PDE4D: variants seen among roughly 807,000 people sequenced by gnomAD.
PDE4D encodes 3',5'-cyclic-AMP phosphodiesterase 4D.
A neutral mutation model predicts 87.4 loss-of-function variants in PDE4D; 24 were observed. That is an observed-to-expected ratio of 0.27 (90% CI 0.20 to 0.39). PDE4D has a LOEUF of 0.39. PDE4D is among the 10% of genes least tolerant of loss of function. The probability of loss-of-function intolerance (pLI) is 1.00; values close to 1 mark genes in which losing one functional copy is unlikely to be tolerated. For synonymous variants in PDE4D, 384 were observed against 383.2 expected (o/e 1.00, Z -0.02); for missense variants, 714 against 1,041.0 (o/e 0.69, Z 4.32).
At chr5:59,886,362 G>A (rs1311717493) in intron 1 of PDE4D, among the ~76,000 whole-genome samples, 4 of 151,674 alleles carry the variant, frequency 2.6e-5, no homozygotes, top group East Asian at 1.9e-4. Flanking sequence ...CTAAAAATAC[G>A]AAAAATTAGC....
intron 1 of PDE4D, among the ~76,000 whole-genome samples, chr5:59,414,089 C>A (rs1006584290): frequency 3.3e-5 from 5 of 152,212 alleles, no homozygotes; most frequent in Admixed American, 3.3e-4. Flanking sequence ...ATTTTAGAAG[C>A]TACATGATTA....
chr5:59,404,290 G>T (rs902591126), intron 1 of PDE4D, among the ~76,000 whole-genome samples: 19 of 152,082 alleles, frequency 1.2e-4, no homozygotes, highest in Admixed American at 6.6e-4. Context: ...TGCTACGCAG[G>T]TATTTTTAAC....
At chr5:60,177,615 T>C (rs1784033371) in intron 2 of PDE4D, among the ~76,000 whole-genome samples, 1 of 152,156 alleles carries the variant, frequency 6.6e-6, no homozygotes, top group Non-Finnish European at 1.5e-5. Context: ...GGATAGTCAT[T>C]TGTTAGGTTA....
chr5:59,959,217 A>T (rs1759199795), intron 3 of PDE4D, among the ~76,000 whole-genome samples: 1 of 152,158 alleles, frequency 6.6e-6, no homozygotes, highest in South Asian at 2.1e-4. Flanking sequence ...ATGATAGACA[A>T]CATAAACAAA....
chr5:59,593,732 C>T (rs181594956), intron 1 of PDE4D, among the ~76,000 whole-genome samples: 1 of 152,252 alleles, frequency 6.6e-6, no homozygotes, highest in African/African-American at 2.4e-5. Context: ...GGTAGAAAAA[C>T]CTCAACTATA....
chr5:59,007,537 T>C (rs1751881800), intron 6 of PDE4D, among the ~76,000 whole-genome samples: 2 of 152,200 alleles, frequency 1.3e-5, no homozygotes, highest in African/African-American at 4.8e-5. Context: ...ATATTTTACA[T>C]AACAGAATGT....
chr5:59,878,695 A>C (rs927675311), intron 1 of PDE4D, among the ~76,000 whole-genome samples: 1 of 152,134 alleles, frequency 6.6e-6, no homozygotes, highest in Non-Finnish European at 1.5e-5. Context: ...GTCAGTCGAC[A>C]GGATCTATCA....
In PDE4D at chr5:60,064,950, A is replaced by G. The variant is rs768353528; in HGVS notation, c.43-76233T>C. Among the ~76,000 whole-genome samples the G allele has an allele frequency of 3.3e-5, 5 of 152,308 alleles. No individual in the cohort carries two copies. The South Asian group carries it at 8.3e-4, about 25-fold the overall frequency. ...CCTATTACTGCCTTGACTGCAAAAG[A>G]GTAGGAACTGCAAGTAATTCTTAAT... is the stretch of plus-strand genomic sequence containing the variant. On this transcript the variant is annotated intron_variant, in intron 2 of 16. Coordinates refer to the PDE4D transcript ENST00000502484.
chr5:59,465,279 ATTCTCTTGC>A (rs1032914937), intron 1 of PDE4D, among the ~76,000 whole-genome samples: 26 of 151,872 alleles, frequency 1.7e-4, no homozygotes, highest in African/African-American at 6.3e-4. Context: ...TATTTATTTC[ATTCTCTTGC>A]TTCTCCTACC....
intron 2 of PDE4D, among the ~76,000 whole-genome samples, chr5:60,106,075 G>A (rs1229059159): frequency 1.3e-5 from 2 of 151,988 alleles, no homozygotes; most frequent in Non-Finnish European, 2.9e-5. Context: ...ATTGGATAAA[G>A]GGTCAAGACC....
At chr5:60,379,880 G>T (rs1371680916) in intron 1 of PDE4D, among the ~76,000 whole-genome samples, 1 of 152,064 alleles carries the variant, frequency 6.6e-6, no homozygotes, top group African/African-American at 2.4e-5. Context: ...TTGAAACACT[G>T]GGACAATACT....
chr5:59,638,264 G>T (rs369913024), intron 1 of PDE4D, among the ~76,000 whole-genome samples: 30 of 152,166 alleles, frequency 2.0e-4, no homozygotes, highest in African/African-American at 7.0e-4. Flanking sequence ...CTCACTCCAT[G>T]AGATCGAATT....
intron 1 of PDE4D, chr5:59,586,870 G>A: frequency 1.0e-6 from 1 of 985,412 alleles, no homozygotes; most frequent in East Asian, 1.1e-4. Context: ...AATGAATATT[G>A]CTTTTTCTTC....
intron 1 of PDE4D, among the ~76,000 whole-genome samples, chr5:59,496,592 G>A (rs1807245072): frequency 6.6e-6 from 1 of 152,116 alleles, no homozygotes; most frequent in African/African-American, 2.4e-5. Context: ...CACTCCCCTA[G>A]AAATCTAGCC....
At chr5:60,324,819 A>G (rs1268708927) in intron 1 of PDE4D, among the ~76,000 whole-genome samples, 1 of 152,254 alleles carries the variant, frequency 6.6e-6, no homozygotes, top group Non-Finnish European at 1.5e-5. Flanking sequence ...TGAACCTCAT[A>G]TGGTTTCACC....
chr5:59,593,599 T>C (rs1420504509), intron 1 of PDE4D, among the ~76,000 whole-genome samples: 1 of 152,164 alleles, frequency 6.6e-6, no homozygotes, highest in African/African-American at 2.4e-5. Flanking sequence ...CAACTCTTCT[T>C]AGATCCATAA....
intron 1 of PDE4D, among the ~76,000 whole-genome samples, chr5:60,267,327 C>A (rs1418287803): frequency 6.6e-6 from 1 of 152,052 alleles, no homozygotes; most frequent in African/African-American, 2.4e-5. Context: ...TTATATCTTT[C>A]TGTATTTTCT....
At chr5:60,482,699 T>C (rs1034180680) in intron 1 of PDE4D, among the ~76,000 whole-genome samples, 1 of 152,338 alleles carries the variant, frequency 6.6e-6, no homozygotes, top group East Asian at 1.9e-4. Context: ...TCAGATTTTA[T>C]ATGTTATGGC....
At chr5:59,523,980 G>C (rs1812654705) in intron 1 of PDE4D, among the ~76,000 whole-genome samples, 1 of 152,182 alleles carries the variant, frequency 6.6e-6, no homozygotes, top group Non-Finnish European at 1.5e-5. Context: ...CAGTCATGTG[G>C]AACTGTAAGT....
Sources: allele counts gnomAD v4.1 joint callset (sites outside exome capture counted in the v4.1 genomes callset), GRCh38; gene constraint gnomAD v4.1.1; transcripts MANE v1.5; gene names NCBI Gene and HGNC (gene_info 2026-07-23, HGNC 2026-07-21).